APLF: variants seen among roughly 807,000 people sequenced by gnomAD.
APLF encodes the protein aprataxin and PNK-like factor.
APLF carries 61 observed loss-of-function variants against 55.6 expected under a neutral mutation model. The ratio of observed to expected loss-of-function variants is 1.10; its 90% CI spans 0.89 to 1.36. The LOEUF (loss-of-function observed/expected upper bound fraction) is 1.36, where lower values mean the gene tolerates loss of function less well. APLF is among the 40% of genes most tolerant of loss of function. APLF has a pLI of 0.00. For missense variants in APLF, 611 were observed against 602.5 expected (o/e 1.01, Z -0.15); for synonymous variants, 207 against 214.8 (o/e 0.96, Z 0.32).
chr2:68,546,827 C>G (rs912758824), intron 8 of APLF, among the ~76,000 whole-genome samples: 5 of 151,772 alleles, frequency 3.3e-5, no homozygotes, highest in African/African-American at 1.2e-4. Context: ...AATTTCCTTT[C>G]TGAAATCAGA....
At chr2:68,549,624 C>G (rs1241294749) in intron 8 of APLF, among the ~76,000 whole-genome samples, 1 of 152,022 alleles carries the variant, frequency 6.6e-6, no homozygotes, top group Admixed American at 6.6e-5. Flanking sequence ...TCTCTAGTTG[C>G]TGGAAGTAAG....
intron 2 of APLF, among the ~76,000 whole-genome samples, 169 bp from the exon 3 acceptor site, chr2:68,502,562 T>G (rs1676754711): frequency 6.6e-6 from 1 of 151,802 alleles, no homozygotes; most frequent in Non-Finnish European, 1.5e-5. Flanking sequence ...TTATGGTACT[T>G]ATAAGAGTTA....
intron 5 of APLF, among the ~76,000 whole-genome samples, chr2:68,519,087 A>C (rs184127224): frequency 0.016 from 2,027 of 126,248 alleles, 24 homozygotes; most frequent in Non-Finnish European, 0.023. Context: ...ATAATATATA[A>C]TTAATATATA....
At chr2:68,566,758 C>T (rs1381997860) in intron 8 of APLF, among the ~76,000 whole-genome samples, 4 of 152,036 alleles carry the variant, frequency 2.6e-5, no homozygotes, top group African/African-American at 7.2e-5. Flanking sequence ...ATCATAAGTA[C>T]GTATAATCAA....
At chr2:68,564,337 A>G (rs1671241462) in intron 8 of APLF, among the ~76,000 whole-genome samples, 1 of 152,108 alleles carries the variant, frequency 6.6e-6, no homozygotes, top group Non-Finnish European at 1.5e-5. Context: ...AATCTTGTAT[A>G]GAATCTTTTT....
intron 8 of APLF, among the ~76,000 whole-genome samples, chr2:68,559,881 T>G (rs1671120718): frequency 6.6e-6 from 1 of 152,196 alleles, no homozygotes; most frequent in Non-Finnish European, 1.5e-5. Context: ...AGTGGCTTCC[T>G]ATAACAAACT....
At chr2:68,500,460 T>C (rs1676685421) in intron 2 of APLF, among the ~76,000 whole-genome samples, 1 of 152,202 alleles carries the variant, frequency 6.6e-6, no homozygotes, top group Non-Finnish European at 1.5e-5. Flanking sequence ...TTTGTGATGC[T>C]TTTGTAAAGA....
At position 68,561,074 on chromosome 2, in the gene APLF, TATTA is replaced by T. The variant is rs564295543; in HGVS notation, c.1287-6263_1287-6260del. Reference sequence around the variant, plus strand: ...TTGAAGGAAAAATTCAGCTATTTAATATTAATTGACAGTGACTTTTACCAGCACA... The same window carrying T: ...TTGAAGGAAAAATTCAGCTATTTAATATTGACAGTGACTTTTACCAGCACA... On this transcript the variant is annotated intron_variant, in intron 8 of 9. Transcript: ENST00000303795. Among the ~76,000 whole-genome samples the T allele has an allele frequency of 5.3e-5, 8 of 152,282 alleles. No homozygotes were observed. The South Asian group carries it at 1.2e-3, about 24-fold the overall frequency.
intron 1 of APLF, among the ~76,000 whole-genome samples, chr2:68,468,286 C>T (rs1474573730): frequency 6.6e-6 from 1 of 152,134 alleles, no homozygotes; most frequent in Non-Finnish European, 1.5e-5. Context: ...TGTGATATTA[C>T]GTCTTCTAGG....
intron 1 of APLF, among the ~76,000 whole-genome samples, chr2:68,468,512 T>G (rs142011662): frequency 0.026 from 3,884 of 152,306 alleles, 66 homozygotes; most frequent in South Asian, 0.042. Context: ...ATTGTTCAGA[T>G]GAGAAAATTG....
At chr2:68,518,759 A>C (rs1432981281) in intron 5 of APLF, among the ~76,000 whole-genome samples, 1 of 118,998 alleles carries the variant, frequency 8.4e-6, no homozygotes, top group Admixed American at 1.0e-4. Context: ...ATATATAATA[A>C]AATATTAATA....
intron 7 of APLF, among the ~76,000 whole-genome samples, chr2:68,543,690 A>T (rs1347788768): frequency 2.0e-5 from 3 of 152,172 alleles, no homozygotes; most frequent in African/African-American, 7.2e-5. Context: ...ATGAACCCAA[A>T]AGTTTATCAG....
chr2:68,563,511 C>A (rs996659887), intron 8 of APLF, among the ~76,000 whole-genome samples: 13 of 151,928 alleles, frequency 8.6e-5, no homozygotes, highest in African/African-American at 3.1e-4. Context: ...AGTTGAACCC[C>A]ACTCCCCCAC....
At chr2:68,541,050 G>A (rs1387052006) in intron 7 of APLF, among the ~76,000 whole-genome samples, 1 of 152,126 alleles carries the variant, frequency 6.6e-6, no homozygotes, top group Non-Finnish European at 1.5e-5. Flanking sequence ...AGATCTGTGG[G>A]TTAAGCATGA....
chr2:68,539,131 T>C (rs1034752572), intron 7 of APLF, among the ~76,000 whole-genome samples: 11 of 152,354 alleles, frequency 7.2e-5, no homozygotes, highest in African/African-American at 2.4e-4. Context: ...ATTTGAATAG[T>C]TCTGATTTAT....
intron 1 of APLF, among the ~76,000 whole-genome samples, chr2:68,471,302 GT>G (rs1344791626): frequency 2.0e-5 from 3 of 152,170 alleles, no homozygotes; most frequent in African/African-American, 7.2e-5. Flanking sequence ...AATGAATTAA[GT>G]TTTAACATTT....
chr2:68,549,027 C>A (rs1017080160), intron 8 of APLF, among the ~76,000 whole-genome samples: 1 of 151,932 alleles, frequency 6.6e-6, no homozygotes, highest in East Asian at 1.9e-4. Context: ...TTAAATAAAT[C>A]TTTAATATTA....
intron 8 of APLF, among the ~76,000 whole-genome samples, chr2:68,550,747 T>G (rs1336102631): frequency 6.6e-6 from 1 of 152,172 alleles, no homozygotes; most frequent in Non-Finnish European, 1.5e-5. Context: ...TACCTTACTG[T>G]TGGTGCTTTT....
rs146531880 is a variant in APLF, at chr2:68,481,185, A to T, written c.97-9005A>T. Among the ~76,000 whole-genome samples the T allele has an allele frequency of 9.3e-4, 142 of 152,258 alleles. 1 individual carries two copies. Among genetic ancestry groups the T allele is most frequent in the African/African-American group, 3.3e-3 (137 of 41,544 alleles). On this transcript the variant is annotated intron_variant, in intron 1 of 9. Transcript: ENST00000303795. ...AATTTTTTGGAATAGGTTGAGAAGA[A>T]TTGGTATTAGTCTTTTTTAAAAGTT...
Sources: gnomAD v4.1 joint callset for allele counts (sites outside exome capture counted in the v4.1 genomes callset) on GRCh38, gnomAD v4.1.1 for gene constraint, MANE v1.5 for transcripts, NCBI Gene and HGNC (gene_info 2026-07-23, HGNC 2026-07-21) for gene names.